The following PLXDC2 variants were observed in gnomAD, a reference collection of about 807,000 sequenced individuals.
PLXDC2 encodes the protein plexin domain-containing protein 2.
In PLXDC2, 40 loss-of-function variants were observed where a neutral mutation model predicts 68.9. The ratio of observed to expected loss-of-function variants is 0.58; its 90% CI spans 0.45 to 0.76. The LOEUF (loss-of-function observed/expected upper bound fraction) is 0.76, where lower values mean the gene tolerates loss of function less well. Ranked by LOEUF, PLXDC2 falls within the 30% of genes least tolerant of loss-of-function variation. The pLI is 0.00. For synonymous variants in PLXDC2, 243 were observed against 234.2 expected, an observed-to-expected ratio of 1.04 and a Z score of -0.34; for missense variants, 644 against 661.9, an observed-to-expected ratio of 0.97 and a Z score of 0.30.
chr10:20,177,419 T>C lies in PLXDC2; in HGVS notation c.1061+10T>C. 7.4e-7 allele frequency: 1 copy of C among 1,347,990 alleles called. No homozygotes were observed. The highest frequency in any genetic ancestry group is 1.0e-6 in the Non-Finnish European group (1 of 989,908). 83.5% of individuals were successfully genotyped at this position (1,347,990 alleles called of 1,614,324 possible). A position where few individuals can be genotyped will look rare whatever the true frequency, so the allele number is the denominator to read the frequency against. ...GTAGTAAACTTCAAAGGTAAAAATA[T>C]AATAATAAGAATAATAATAAAATTT... On this transcript the variant is annotated intron_variant, in intron 9 of 13. Coordinates refer to ENST00000377252, the MANE Select transcript of PLXDC2 (RefSeq NM_032812.9).
intron 1 of PLXDC2, among the ~76,000 whole-genome samples, chr10:19,928,177 C>A (rs191800901): frequency 1.1e-3 from 167 of 152,264 alleles, no homozygotes; most frequent in African/African-American, 3.0e-3. Context: ...ATGACATATT[C>A]TTTGTCCACT....
At chr10:19,920,704 T>C (rs12359101) in intron 1 of PLXDC2, among the ~76,000 whole-genome samples, 12,142 of 152,150 alleles carry the variant, frequency 0.08, 645 homozygotes, top group Admixed American at 0.14. Flanking sequence ...ACCACAGGCA[T>C]GCACCATCAC....
At chr10:20,102,984 A>G (rs545410841) in intron 4 of PLXDC2, among the ~76,000 whole-genome samples, 1 of 152,296 alleles carries the variant, frequency 6.6e-6, no homozygotes, top group Admixed American at 6.5e-5. Context: ...GAGAAACAGC[A>G]GCCAATGAGG....
At chr10:20,229,921 A>G (rs532028308) in intron 12 of PLXDC2, among the ~76,000 whole-genome samples, 19 of 152,318 alleles carry the variant, frequency 1.2e-4, no homozygotes, top group Non-Finnish European at 2.5e-4. Flanking sequence ...CTCACCAGCC[A>G]CTAAAGAAAA....
chr10:20,204,261 A>T (rs1834960361), intron 9 of PLXDC2, among the ~76,000 whole-genome samples: 1 of 152,088 alleles, frequency 6.6e-6, no homozygotes, highest in South Asian at 2.1e-4. Flanking sequence ...AAATTTTATG[A>T]CCATTTTTCA....
intron 1 of PLXDC2, among the ~76,000 whole-genome samples, chr10:19,872,825 T>TA (rs1226157557): frequency 3.9e-5 from 6 of 151,902 alleles, no homozygotes; most frequent in Admixed American, 1.3e-4. Flanking sequence ...AACCCAAATG[T>TA]AAAAAAAACA....
intron 2 of PLXDC2, among the ~76,000 whole-genome samples, chr10:20,022,755 G>T (rs1835333546): frequency 6.6e-6 from 1 of 152,074 alleles, no homozygotes; most frequent in South Asian, 2.1e-4. Flanking sequence ...GAAGAGTGAT[G>T]TACATGCAAA....
rs931063324 is a variant in PLXDC2, at chr10:20,280,194, C to G, written c.*375C>G. 1.2e-5 allele frequency: 2 copies of G among 166,024 alleles called. No individual in the cohort carries two copies. The highest frequency in any genetic ancestry group is 2.6e-5 in the Non-Finnish European group (2 of 77,392). 10.3% of individuals were successfully genotyped at this position (166,024 alleles called of 1,614,324 possible). A position where few individuals can be genotyped will look rare whatever the true frequency, so the allele number is the denominator to read the frequency against. ...AGCTTTAGTTCATGAGGGATCGACA[C>G]CTTTGGTTCAAATGTTCTCTGATGT... On this transcript the variant is annotated 3_prime_UTR_variant, in exon 14 of 14. Transcript: ENST00000377252.
At chr10:19,908,602 C>G (rs1833212739) in intron 1 of PLXDC2, among the ~76,000 whole-genome samples, 2 of 151,854 alleles carry the variant, frequency 1.3e-5, no homozygotes, top group Non-Finnish European at 2.9e-5. Context: ...TCTGACGAGT[C>G]AAAGGTATTC....
At chr10:19,922,684 G>A (rs916429703) in intron 1 of PLXDC2, among the ~76,000 whole-genome samples, 1 of 152,152 alleles carries the variant, frequency 6.6e-6, no homozygotes, top group African/African-American at 2.4e-5. Flanking sequence ...ACCTTGGAGA[G>A]TATATATGAG....
Position 20,282,740 on chromosome 10 carries a change from G to C in PLXDC2, c.*2921G>C, listed in dbSNP as rs1417885111. On this transcript the variant is annotated 3_prime_UTR_variant, in exon 14 of 14. Transcript: ENST00000377252. Reference sequence around the variant, plus strand: ...ATAAATGGCTTAAGCCCAAGAGATGGCACTGACCATAAATGGTGGCTTGTG... The same window carrying C: ...ATAAATGGCTTAAGCCCAAGAGATGCCACTGACCATAAATGGTGGCTTGTG... The C allele has an allele frequency of 6.6e-6, 1 of 152,148 alleles. No individual in the cohort carries two copies. Among genetic ancestry groups the C allele is most frequent in the Non-Finnish European group, 1.5e-5 (1 of 68,034 alleles). The allele number at this position is 152,148 out of a possible 1,614,324, so 9.4% of individuals were successfully genotyped here.
At position 20,221,157 on chromosome 10, in the gene PLXDC2, G is replaced by C. The variant is rs554283389; in HGVS notation, c.1312+2055G>C. ...CACGCACGGCCAACACTTTTTTTAT[G>C]AGTAGTATGTCATGCACTTAATGTT... On this transcript the variant is annotated intron_variant, in intron 12 of 13. Coordinates refer to ENST00000377252, the MANE Select transcript of PLXDC2 (RefSeq NM_032812.9). Among the ~76,000 whole-genome samples, 600 of 152,032 alleles carry C rather than the reference G, an allele frequency of 3.9e-3. 6 individuals carry two copies. The highest frequency in any genetic ancestry group is 0.014 in the African/African-American group (574 of 41,486).
intron 6 of PLXDC2, among the ~76,000 whole-genome samples, chr10:20,161,389 T>A (rs1029337768): frequency 2.6e-5 from 4 of 151,986 alleles, no homozygotes; most frequent in African/African-American, 9.7e-5. Flanking sequence ...TAGTGTACAT[T>A]TTCTTGGCTG....
intron 2 of PLXDC2, among the ~76,000 whole-genome samples, chr10:20,019,250 G>C (rs1564658721): frequency 6.6e-6 from 1 of 152,210 alleles, no homozygotes; most frequent in African/African-American, 2.4e-5. Flanking sequence ...AATTTCTACA[G>C]ATATAGCTAG....
chr10:20,055,314 A>G (rs1489837031), intron 3 of PLXDC2, among the ~76,000 whole-genome samples: 4 of 152,130 alleles, frequency 2.6e-5, no homozygotes, highest in South Asian at 2.1e-4. Context: ...TAGCATTACC[A>G]TGGGTCTCAT....
chr10:20,143,089 G>T (rs1834027692), intron 4 of PLXDC2, among the ~76,000 whole-genome samples: 1 of 151,946 alleles, frequency 6.6e-6, no homozygotes, highest in Admixed American at 6.6e-5. Context: ...GATTTGCAAG[G>T]TTCTACCAAA....
chr10:19,849,510 G>A (rs946575289), intron 1 of PLXDC2, among the ~76,000 whole-genome samples: 3 of 152,154 alleles, frequency 2.0e-5, no homozygotes, highest in African/African-American at 7.2e-5. Context: ...TATGGGGGCA[G>A]TTCTTCATGT....
intron 1 of PLXDC2, among the ~76,000 whole-genome samples, chr10:19,897,783 C>A (rs1031718659): frequency 6.6e-6 from 1 of 152,018 alleles, no homozygotes. Flanking sequence ...ACAGGGCTAG[C>A]AATAGATGTT....
chr10:20,224,633 A>G (rs10764215), intron 12 of PLXDC2, among the ~76,000 whole-genome samples: 131,968 of 152,188 alleles, frequency 0.87, 57,814 homozygotes, highest in Middle Eastern at 0.95. Context: ...GTCTTCAACC[A>G]GATTCAACTC....
Sources: allele counts gnomAD v4.1 joint callset (sites outside exome capture counted in the v4.1 genomes callset), GRCh38; gene constraint gnomAD v4.1.1; transcripts MANE v1.5; gene names NCBI Gene and HGNC (gene_info 2026-07-23, HGNC 2026-07-21).